The following KDM2B variants were observed in gnomAD, a reference collection of about 807,000 sequenced individuals.
The protein encoded by KDM2B is lysine-specific demethylase 2B.
A neutral mutation model predicts 150.0 loss-of-function variants in KDM2B; 26 were observed. The ratio of observed to expected loss-of-function variants is 0.17; its 90% CI spans 0.13 to 0.24. The LOEUF (loss-of-function observed/expected upper bound fraction) is 0.24, where lower values mean the gene tolerates loss of function less well. Among genes scored for constraint, KDM2B ranks in the 10% least tolerant of loss-of-function variants. KDM2B has a pLI of 1.00. For missense variants in KDM2B, 1,265 were observed against 1,816.9 expected, an observed-to-expected ratio of 0.70 and a Z score of 5.52; for synonymous variants, 734 against 729.5, an observed-to-expected ratio of 1.01 and a Z score of -0.10.
rs889560469 is a variant in KDM2B at position 121,430,555 on chromosome 12, G to A, written c.3830-86C>T. The A allele has an allele frequency of 1.1e-6, 1 of 876,066 alleles. No individual in the cohort carries two copies. The highest frequency in any genetic ancestry group is 1.9e-6 in the Non-Finnish European group (1 of 517,790). 54.3% of individuals were successfully genotyped at this position (876,066 alleles called of 1,614,324 possible). On this transcript the variant is annotated intron_variant, in intron 22 of 22. Transcript: ENST00000377071. The surrounding 1 kb of genome is among the most constrained non-coding windows in gnomAD (Gnocchi z 4.4). ...CCAGACCCAGGCACTCAGCAGTGGG[G>A]ACAGGTCAGAGCTCTACATATTCCA...
At position 121,533,029 on chromosome 12, in the gene KDM2B, T is replaced by A; in HGVS notation, c.778-70A>T. On this transcript the variant is annotated intron_variant, in intron 7 of 22. Coordinates refer to ENST00000377071, the MANE Select transcript of KDM2B (RefSeq NM_032590.5). This position sits in a 1 kb window ranked among gnomAD's most constrained non-coding sequence, Gnocchi z 4.1. ...CAAGACCCAGAGAGAGGGCCCCACC[T>A]GCCTGGCGGAAGGGGAGGGGGCGAG... 6.5e-7 allele frequency: 1 copy of A among 1,533,652 alleles called. No individual in the cohort carries two copies. Among genetic ancestry groups the A allele is most frequent in the Non-Finnish European group, 9.0e-7 (1 of 1,115,540 alleles).
At chr12:121,444,882 A>G (rs1184932646) in intron 14 of KDM2B, 2 of 439,486 alleles carry the variant, frequency 4.6e-6, no homozygotes, top group Non-Finnish European at 8.5e-6. Context: ...GCATGCAGAA[A>G]GGACTCTGCA....
chr12:121,530,217 G>C (rs1403878181), intron 8 of KDM2B, among the ~76,000 whole-genome samples: 1 of 118,298 alleles, frequency 8.5e-6, no homozygotes, highest in Non-Finnish European at 1.6e-5. Flanking sequence ...AACAGAGCAA[G>C]ACTCCCTCTC....
In KDM2B at chr12:121,430,650, C is replaced by T. The variant is rs1217926701; in HGVS notation, c.3830-181G>A. The T allele has an allele frequency of 1.7e-6, 1 of 602,562 alleles. No individual in the cohort carries two copies. The highest frequency in any genetic ancestry group is 3.0e-6 in the Non-Finnish European group (1 of 338,748). The allele number at this position is 602,562 out of a possible 1,614,324, so 37.3% of individuals were successfully genotyped here. Reference sequence around the variant, plus strand: ...CTCTCTTCTTCAAACGGGGAAGGGTCTCACCCGCCAGGTATAAAGGTTAAT... The same window carrying T: ...CTCTCTTCTTCAAACGGGGAAGGGTTTCACCCGCCAGGTATAAAGGTTAAT... On this transcript the variant is annotated intron_variant, in intron 22 of 22. Transcript: ENST00000377071. This position sits in a 1 kb window ranked among gnomAD's most constrained non-coding sequence, Gnocchi z 4.4.
chr12:121,562,918 T>C (rs1425375553), intron 4 of KDM2B, among the ~76,000 whole-genome samples: 1 of 152,146 alleles, frequency 6.6e-6, no homozygotes, highest in Admixed American at 6.6e-5. Flanking sequence ...ATTAGTATAA[T>C]TGCATGAATA....
intron 4 of KDM2B, among the ~76,000 whole-genome samples, chr12:121,565,245 A>G (rs976123418): frequency 6.6e-6 from 1 of 152,194 alleles, no homozygotes; most frequent in Non-Finnish European, 1.5e-5. Flanking sequence ...CACACCAGCC[A>G]GGAACTGACC....
chr12:121,494,548 G>A (rs782779864), intron 12 of KDM2B, 31 bp downstream of exon 12: 42 of 1,578,260 alleles, frequency 2.7e-5, no homozygotes, highest in African/African-American at 5.4e-5. Context: ...GGTGGGAAGC[G>A]GCCGCCCGCT....
intron 10 of KDM2B, 100 bp from the exon 11 acceptor site, chr12:121,510,139 T>C (rs1885452760): frequency 9.7e-7 from 1 of 1,031,860 alleles, no homozygotes; most frequent in South Asian, 1.6e-5. Context: ...ACTCCAGAGA[T>C]CCAGCTTCTC....
intron 6 of KDM2B, among the ~76,000 whole-genome samples, chr12:121,543,393 G>C (rs1888757824): frequency 6.6e-6 from 1 of 152,120 alleles, no homozygotes; most frequent in African/African-American, 2.4e-5. Context: ...TGAGTCCTAA[G>C]CCAGCTGGGC....
In KDM2B at chr12:121,549,046, T is replaced by C; in HGVS notation, c.577-63A>G. 1.5e-6 allele frequency: 2 copies of C among 1,377,662 alleles called. No individual in the cohort carries two copies. Among genetic ancestry groups the C allele is most frequent in the Non-Finnish European group, 2.1e-6 (2 of 969,322 alleles). 85.3% of individuals were successfully genotyped at this position (1,377,662 alleles called of 1,614,324 possible). The stretch of plus-strand genomic sequence containing the variant: ...CTGCCGAGCCAGACACAAATACCCC[T>C]TTCCCCGGAGAGTCCTTGGGCCCCC... On this transcript the variant is annotated intron_variant, in intron 5 of 22. Transcript: ENST00000377071. This position sits in a 1 kb window ranked among gnomAD's most constrained non-coding sequence, Gnocchi z 4.4.
At chr12:121,441,974 C>T (rs999520607) in intron 19 of KDM2B, among the ~76,000 whole-genome samples, 183 bp downstream of exon 19, 4 of 152,344 alleles carry the variant, frequency 2.6e-5, no homozygotes, top group South Asian at 2.1e-4. Flanking sequence ...TCGGAATAAA[C>T]GGGGTCACCT....
intron 19 of KDM2B, among the ~76,000 whole-genome samples, 179 bp from the exon 20 acceptor site, chr12:121,441,412 A>C (rs1264131046): frequency 1.3e-5 from 2 of 151,994 alleles, no homozygotes; most frequent in East Asian, 3.9e-4. Flanking sequence ...ACCTGCTCTA[A>C]CAGCCATGGC....
chr12:121,534,410 A>T, intron 7 of KDM2B, 87 bp downstream of exon 7: 2 of 898,874 alleles, frequency 2.2e-6, no homozygotes, highest in Non-Finnish European at 3.7e-6. Context: ...TGGAGGAGGG[A>T]GGTGGGAGGA....
Position 121,430,099 on chromosome 12 carries a change from C to T in KDM2B, c.*189G>A, listed in dbSNP as rs1555285081. On this transcript the variant is annotated 3_prime_UTR_variant, in exon 23 of 23. Coordinates refer to ENST00000377071, the MANE Select transcript of KDM2B (RefSeq NM_032590.5). This position sits in a 1 kb window ranked among gnomAD's most constrained non-coding sequence, Gnocchi z 4.4. ...CAGTGCAGTTACGATTCAGAAAGAC[C>T]AAAGGAAAGTGTCGGCTCACTCATC... The T allele has an allele frequency of 1.9e-6, 3 of 1,602,434 alleles. No individual in the cohort carries two copies. In the African/African-American group the frequency reaches 4.0e-5, roughly 21 times the overall value.
chr12:121,467,526 G>T lies in KDM2B; in HGVS notation c.1735-14182C>A. On this transcript the variant is annotated intron_variant, in intron 12 of 22. Coordinates refer to ENST00000377071, the MANE Select transcript of KDM2B (RefSeq NM_032590.5). The surrounding 1 kb of genome is among the most constrained non-coding windows in gnomAD (Gnocchi z 5.1). ...GCACACAAAGGGAGCCCGGCCTGCG[G>T]TGACACGGGGGCGGGCCGCCGAGGG... The T allele has an allele frequency of 5.4e-6, 1 of 186,640 alleles. No homozygotes were observed. Among genetic ancestry groups the T allele is most frequent in the Non-Finnish European group, 9.8e-6 (1 of 102,110 alleles). 11.6% of individuals were successfully genotyped at this position (186,640 alleles called of 1,614,324 possible). A position where few individuals can be genotyped will look rare whatever the true frequency, so the allele number is the denominator to read the frequency against.
At chr12:121,440,741 C>G in intron 21 of KDM2B, 75 bp downstream of exon 21, 2 of 1,381,666 alleles carry the variant, frequency 1.4e-6, no homozygotes, top group South Asian at 1.4e-5. Context: ...CAGCTGGGGT[C>G]TGAGGGTAAA....
chr12:121,431,230 TAA>T (rs1205222408), intron 22 of KDM2B, among the ~76,000 whole-genome samples: 1 of 151,360 alleles, frequency 6.6e-6, no homozygotes, highest in Non-Finnish European at 1.5e-5. Flanking sequence ...CTCCCAGGTT[TAA>T]GTGATTCTCC....
At chr12:121,444,932 G>T in intron 14 of KDM2B, 1 of 407,976 alleles carries the variant, frequency 2.5e-6, no homozygotes. Flanking sequence ...GTGTGGTGTG[G>T]GGCCTTGTTC....
the KDM2B span, among the ~76,000 whole-genome samples, chr12:121,412,388 C>T: frequency 0.19 from 29,149 of 150,782 alleles, 4,313 homozygotes; most frequent in African/African-American, 0.41. Flanking sequence ...TACAGGTGCC[C>T]GCCACCACGC....
Sources: allele counts gnomAD v4.1 joint callset (sites outside exome capture counted in the v4.1 genomes callset), GRCh38; gene constraint gnomAD v4.1.1; non-coding constraint Gnocchi (gnomAD v3.1); transcripts MANE v1.5; gene names NCBI Gene and HGNC (gene_info 2026-07-23, HGNC 2026-07-21).